Variants in CLASP1 observed in about 807,000 individuals in gnomAD.
CLASP1 encodes the protein cytoplasmic linker associated protein 1.
A neutral mutation model predicts 192.3 loss-of-function variants in CLASP1; 38 were observed. That is an observed-to-expected ratio of 0.20 (90% confidence interval 0.15 to 0.26). The LOEUF is 0.26. Ranked by LOEUF, CLASP1 falls within the 10% of genes least tolerant of loss-of-function variation. CLASP1 has a pLI of 1.00. For synonymous variants in CLASP1, 691 were observed against 712.8 expected (o/e 0.97, Z 0.49); for missense variants, 1,433 against 1,932.5 (o/e 0.74, Z 4.85).
At chr2:121,577,344 T>A (rs879774736) in intron 2 of CLASP1, among the ~76,000 whole-genome samples, 5 of 151,976 alleles carry the variant, frequency 3.3e-5, no homozygotes, top group Non-Finnish European at 7.4e-5. Context: ...TCTCTATCAA[T>A]AGGAGACAAA....
At chr2:121,484,568 C>T (rs1411996535) in intron 8 of CLASP1, among the ~76,000 whole-genome samples, 1 of 152,212 alleles carries the variant, frequency 6.6e-6, no homozygotes, top group Non-Finnish European at 1.5e-5. Context: ...ACAGGGCTTC[C>T]ATCCAGCTCA....
rs115011731 is a variant in CLASP1, at chr2:121,563,946, C to A, written c.196-33621G>T. 1.9e-3 allele frequency among the ~76,000 whole-genome samples: 290 copies of A among 152,266 alleles called. 2 individuals are homozygous for A. The highest frequency in any genetic ancestry group is 3.0e-3 in the Non-Finnish European group (205 of 68,012). The stretch of plus-strand genomic sequence containing the variant: ...TGGGGGAAGGCAAGGAGGAGCAAGT[C>A]ATGTCTTACGTGGATGGCAACAGGC... On this transcript the variant is annotated intron_variant, in intron 2 of 39. Coordinates refer to ENST00000263710, the Ensembl canonical transcript of CLASP1.
intron 2 of CLASP1, among the ~76,000 whole-genome samples, chr2:121,577,072 A>G (rs1267964560): frequency 1.3e-5 from 2 of 152,206 alleles, no homozygotes. Flanking sequence ...ATGATAGGAC[A>G]CGTGGAATGT....
intron 2 of CLASP1, 79 bp downstream of exon 2, chr2:121,605,621 AG>A (rs2105911820): frequency 2.0e-6 from 2 of 991,164 alleles, no homozygotes; most frequent in East Asian, 4.8e-5. Context: ...ACTGCTCACA[AG>A]GGATTTTTAT....
At chr2:121,457,342 T>G (rs912510252) in intron 14 of CLASP1, among the ~76,000 whole-genome samples, 1 of 152,108 alleles carries the variant, frequency 6.6e-6, no homozygotes, top group Non-Finnish European at 1.5e-5. Flanking sequence ...ACTCAGGGAA[T>G]AGGGCAGACC....
Position 121,609,416 on chromosome 2 carries a change from T to C in CLASP1, c.-285-3236A>G, listed in dbSNP as rs368024565. On this transcript the variant is annotated intron_variant, in intron 1 of 39. Transcript: ENST00000263710. ...AAAGAGACTGGAAGCCCCTAGGCTT[T>C]AAGCAGATTGAATTCTCTCTTCTTT... Among the ~76,000 whole-genome samples, 44 of 152,360 alleles carry C rather than the reference T, an allele frequency of 2.9e-4. 1 individual carries two copies. In the South Asian group the frequency reaches 9.1e-3, roughly 32 times the overall value.
chr2:121,564,416 T>G (rs1455588245), intron 2 of CLASP1, among the ~76,000 whole-genome samples: 1 of 152,188 alleles, frequency 6.6e-6, no homozygotes, highest in African/African-American at 2.4e-5. Context: ...CACCCTAACT[T>G]AGAACCACTG....
intron 14 of CLASP1, among the ~76,000 whole-genome samples, chr2:121,454,123 G>A (rs1401890868): frequency 2.0e-5 from 3 of 152,122 alleles, no homozygotes; most frequent in Non-Finnish European, 4.4e-5. Context: ...ACTGCTAAAT[G>A]TTATGAAGCG....
chr2:121,536,534 A>C (rs558349285), intron 2 of CLASP1, among the ~76,000 whole-genome samples: 2 of 152,190 alleles, frequency 1.3e-5, no homozygotes, highest in African/African-American at 2.4e-5. Flanking sequence ...AGGAGTAAAA[A>C]GGTGGAAACA....
intron 2 of CLASP1, 189 bp from the exon 3 acceptor site, chr2:121,530,514 C>T: frequency 1.7e-6 from 1 of 572,830 alleles, no homozygotes. Context: ...CTATGTACAG[C>T]TATAATGGAA....
intron 8 of CLASP1, among the ~76,000 whole-genome samples, chr2:121,499,758 T>C (rs917322491): frequency 2.0e-5 from 3 of 152,052 alleles, no homozygotes; most frequent in African/African-American, 7.2e-5. Context: ...CAAGCACACC[T>C]TCCTTTCTTT....
chr2:121,471,363 T>C (rs1184888136), intron 8 of CLASP1, among the ~76,000 whole-genome samples: 1 of 152,220 alleles, frequency 6.6e-6, no homozygotes, highest in African/African-American at 2.4e-5. Flanking sequence ...AAAGTTTATG[T>C]ATCAAGTATA....
At chr2:121,465,530 G>C (rs1482041953) in intron 9 of CLASP1, among the ~76,000 whole-genome samples, 5 of 151,990 alleles carry the variant, frequency 3.3e-5, no homozygotes, top group Admixed American at 6.6e-5. Context: ...AGGATACAAA[G>C]AAATGGAAGA....
chr2:121,466,071 T>A (rs1359210160), intron 9 of CLASP1, among the ~76,000 whole-genome samples: 9 of 152,168 alleles, frequency 5.9e-5, no homozygotes, highest in Non-Finnish European at 1.0e-4. Context: ...AGTAATTTTC[T>A]AAGCCTTGTT....
chr2:121,581,122 G>A (rs932784900), intron 2 of CLASP1, among the ~76,000 whole-genome samples: 1 of 152,022 alleles, frequency 6.6e-6, no homozygotes, highest in Non-Finnish European at 1.5e-5. Flanking sequence ...TTATATAGCT[G>A]ACCTTGAATT....
chr2:121,647,205 T>C (rs2073340335), intron 1 of CLASP1, among the ~76,000 whole-genome samples: 1 of 151,602 alleles, frequency 6.6e-6, no homozygotes, highest in Admixed American at 6.6e-5. Context: ...CTGTCTCTAC[T>C]AAAAATACAA....
chr2:121,533,457 T>C (rs374895215), intron 2 of CLASP1, among the ~76,000 whole-genome samples: 1 of 152,194 alleles, frequency 6.6e-6, no homozygotes, highest in Non-Finnish European at 1.5e-5. Flanking sequence ...TCGTGGGTTG[T>C]TGTGAGGGTT....
rs1156745265 is a variant in CLASP1 at position 121,409,013 on chromosome 2, AG to A, written c.2425-1299del. ...AATAAAGTTGTAAAACAAAAGTTAA[AG>A]GACTGGTACCTTGCTCCTGGAGTCT... On this transcript the variant is annotated intron_variant, in intron 24 of 39. Transcript: ENST00000263710. The A allele has an allele frequency of 3.8e-6, 6 of 1,558,616 alleles. No individual in the cohort carries two copies. The African/African-American group carries it at 8.2e-5, about 21-fold the overall frequency.
chr2:121,463,631 C>A (rs147552213), intron 9 of CLASP1, among the ~76,000 whole-genome samples: 2 of 152,212 alleles, frequency 1.3e-5, no homozygotes, highest in African/African-American at 4.8e-5. Flanking sequence ...ACTCAAAGGC[C>A]AACAACAGTC....
Sources: allele counts gnomAD v4.1 joint callset (sites outside exome capture counted in the v4.1 genomes callset), GRCh38; gene constraint gnomAD v4.1.1; transcripts MANE v1.5; gene names NCBI Gene and HGNC (gene_info 2026-07-23, HGNC 2026-07-21).